HMGB1: variants seen among roughly 807,000 people sequenced by gnomAD.
The protein encoded by HMGB1 is high mobility group box 1.
For synonymous variants in HMGB1, 81 were observed against 84.0 expected (o/e 0.96, Z 0.19); for missense variants, 79 against 253.5 (o/e 0.31, Z 4.67).
At chr13:30,601,471 C>T (rs1484530389) in intron 1 of HMGB1, among the ~76,000 whole-genome samples, 3 of 99,028 alleles carry the variant, frequency 3.0e-5, no homozygotes, top group East Asian at 2.0e-4. Context: ...TGTGGCCGGG[C>T]GCGGTGGCTC....
At position 30,458,496 on chromosome 13, in the gene HMGB1, A is replaced by C. The variant is rs1490331312; in HGVS notation, c.*2861T>G. 1 of 152,080 alleles carries C rather than the reference A, an allele frequency of 6.6e-6. No individual in the cohort carries two copies. The highest frequency in any genetic ancestry group is 1.5e-5 in the Non-Finnish European group (1 of 68,088). The allele number at this position is 152,080 out of a possible 1,614,324, so 9.4% of individuals were successfully genotyped here. ...AGGCGCCCAGCACCACGCTTGGCTAATTTTTTGTATTTTTAGTAGAGGCGG... is the reference window on the plus strand; with the variant it reads ...AGGCGCCCAGCACCACGCTTGGCTACTTTTTTGTATTTTTAGTAGAGGCGG... On this transcript the variant is annotated 3_prime_UTR_variant, in exon 5 of 5. Coordinates refer to ENST00000341423, the MANE Select transcript of HMGB1 (RefSeq NM_002128.7).
intron 3 of HMGB1, 67 bp from the exon 4 acceptor site, chr13:30,462,779 C>T: frequency 7.8e-7 from 1 of 1,276,330 alleles, no homozygotes; most frequent in Non-Finnish European, 1.1e-6. Flanking sequence ...ATCAAGTGTA[C>T]ACTGCATTGC....
At position 30,461,349 on chromosome 13, in the gene HMGB1, G is replaced by C; in HGVS notation, c.*8C>G. Reference sequence around the variant, plus strand: ...AGACAAGAAAAAAAAAACTGCGCTAGAACCAACTTATTCATCATCATCATC... The same window carrying C: ...AGACAAGAAAAAAAAAACTGCGCTACAACCAACTTATTCATCATCATCATC... On this transcript the variant is annotated 3_prime_UTR_variant, in exon 5 of 5. Coordinates refer to ENST00000341423, the MANE Select transcript of HMGB1 (RefSeq NM_002128.7). 6.5e-7 allele frequency: 1 copy of C among 1,548,380 alleles called. No homozygotes were observed. Among genetic ancestry groups the C allele is most frequent in the South Asian group, 1.3e-5 (1 of 79,050 alleles).
intron 1 of HMGB1, among the ~76,000 whole-genome samples, chr13:30,580,274 A>G (rs1007336621): frequency 3.9e-5 from 6 of 152,254 alleles, no homozygotes; most frequent in African/African-American, 1.4e-4. Flanking sequence ...GTTAGCCAGC[A>G]AATAGTTGCC....
intron 1 of HMGB1, among the ~76,000 whole-genome samples, chr13:30,498,062 T>C (rs1887652240): frequency 6.6e-6 from 1 of 152,238 alleles, no homozygotes; most frequent in South Asian, 2.1e-4. Flanking sequence ...TGGACTAATT[T>C]ACATTCCTAC....
intron 1 of HMGB1, among the ~76,000 whole-genome samples, chr13:30,550,141 T>C (rs992688185): frequency 1.3e-5 from 2 of 152,230 alleles, no homozygotes; most frequent in African/African-American, 4.8e-5. Context: ...ATATTTTCCT[T>C]AACATTAAAT....
chr13:30,498,039 T>G (rs1314911644), intron 1 of HMGB1, among the ~76,000 whole-genome samples: 1 of 152,220 alleles, frequency 6.6e-6, no homozygotes, highest in Non-Finnish European at 1.5e-5. Context: ...GCCAAACTGC[T>G]TTCCACAGTG....
chr13:30,585,351 C>CA (rs143578223), intron 1 of HMGB1, among the ~76,000 whole-genome samples: 6,428 of 151,884 alleles, frequency 0.042, 245 homozygotes, highest in African/African-American at 0.087. Flanking sequence ...AACAAACAAA[C>CA]AAAAAAACCC....
chr13:30,518,777 C>A (rs1888156898), intron 1 of HMGB1, among the ~76,000 whole-genome samples: 1 of 148,856 alleles, frequency 6.7e-6, no homozygotes, highest in Non-Finnish European at 1.5e-5. Context: ...ACAAGCATGG[C>A]TCACTGCAGC....
At chr13:30,553,996 T>A in intron 1 of HMGB1, 1 of 1,486,550 alleles carries the variant, frequency 6.7e-7, no homozygotes, top group Non-Finnish European at 9.4e-7. Context: ...ACCAAAGCAG[T>A]TGTTGTGCTG....
At position 30,509,142 on chromosome 13, in the gene HMGB1, T is replaced by C. The variant is rs980054792; in HGVS notation, c.-14-45448A>G. On this transcript the variant is annotated intron_variant, in intron 1 of 4. Coordinates refer to the HMGB1 transcript ENST00000405805. ...TGTAGAGATGGGGGTCTCACCATTT[T>C]GCCCAGGCTGGTCTCTAGCTCTTGG... Among the ~76,000 whole-genome samples, 7 of 152,198 alleles carry C rather than the reference T, an allele frequency of 4.6e-5. No homozygotes were observed. The South Asian group carries it at 1.0e-3, about 23-fold the overall frequency.
Position 30,471,338 on chromosome 13 carries a change from TTTTTTTG to T in HMGB1, c.-14-7651_-14-7645del, listed in dbSNP as rs1229068884. Among the ~76,000 whole-genome samples the T allele has an allele frequency of 8.5e-5, 13 of 152,098 alleles. No homozygotes were observed. The East Asian group carries it at 1.4e-3, about 16-fold the overall frequency. ...ACCAAACCAATGGTTGGTTTTTTTG[TTTTTTTG>T]TTTTTTGTTTTTTGTTTTTGAGACG... On this transcript the variant is annotated intron_variant, in intron 1 of 4. Transcript: ENST00000405805.
intron 1 of HMGB1, among the ~76,000 whole-genome samples, chr13:30,471,352 G>A (rs1886922869): frequency 6.6e-6 from 1 of 151,432 alleles, no homozygotes; most frequent in African/African-American, 2.4e-5. Flanking sequence ...TTTGTTTTTT[G>A]TTTTTTGTTT....
At chr13:30,469,288 C>A (rs1055007816), upstream of HMGB1, among the ~76,000 whole-genome samples, 2 of 152,198 alleles carry the variant, frequency 1.3e-5, no homozygotes, top group Non-Finnish European at 2.9e-5. Flanking sequence ...AATTACAGAT[C>A]GTCATTAATG....
chr13:30,541,210 G>C (rs1868862925), intron 1 of HMGB1, among the ~76,000 whole-genome samples: 1 of 152,142 alleles, frequency 6.6e-6, no homozygotes, highest in African/African-American at 2.4e-5. Flanking sequence ...ACGAAACTCA[G>C]AGCTAGTGTG....
intron 1 of HMGB1, among the ~76,000 whole-genome samples, chr13:30,551,914 G>T (rs1450722177): frequency 6.6e-6 from 1 of 152,034 alleles, no homozygotes; most frequent in Admixed American, 6.6e-5. Flanking sequence ...TTGCTCTGTT[G>T]CCCAGACTGG....
chr13:30,464,437 G>A, intron 1 of HMGB1: 1 of 985,334 alleles, frequency 1.0e-6, no homozygotes, highest in South Asian at 4.7e-5. Context: ...ATTTTTTGGA[G>A]CCGTGAAAGT....
At chr13:30,547,174 T>A (rs893769168) in intron 1 of HMGB1, among the ~76,000 whole-genome samples, 1 of 152,250 alleles carries the variant, frequency 6.6e-6, no homozygotes, top group African/African-American at 2.4e-5. Context: ...TTTGCTTAGT[T>A]ACAGTTTTAA....
chr13:30,548,147 C>T (rs1353710643), intron 1 of HMGB1, among the ~76,000 whole-genome samples: 1 of 152,074 alleles, frequency 6.6e-6, no homozygotes, highest in Non-Finnish European at 1.5e-5. Context: ...TTCCCATAAT[C>T]CCCACGTGTT....
Sources: allele counts gnomAD v4.1 joint callset (sites outside exome capture counted in the v4.1 genomes callset), GRCh38; gene constraint gnomAD v4.1.1; transcripts MANE v1.5; gene names NCBI Gene and HGNC (gene_info 2026-07-23, HGNC 2026-07-21).